Variants in MEIS2 observed in about 807,000 individuals in gnomAD.
The protein encoded by MEIS2 is Meis homeobox 2.
A neutral mutation model predicts 58.6 loss-of-function variants in MEIS2; 9 were observed. The observed-to-expected ratio is 0.15, with a 90% CI of 0.09 to 0.27. MEIS2 has a LOEUF of 0.27. Among genes scored for constraint, MEIS2 ranks in the 10% least tolerant of loss-of-function variants. The pLI, the probability that MEIS2 is intolerant of heterozygous loss-of-function variation, is 1.00. For missense variants in MEIS2, 427 were observed against 635.0 expected (o/e 0.67, Z 3.52); for synonymous variants, 221 against 228.4 (o/e 0.97, Z 0.29).
intron 7 of MEIS2, among the ~76,000 whole-genome samples, chr15:37,053,252 A>G (rs1194491848): frequency 6.6e-6 from 1 of 152,188 alleles, no homozygotes; most frequent in African/African-American, 2.4e-5. Context: ...AAATTTCCGG[A>G]TCTTGATCAC....
At chr15:36,900,405 C>T (rs2056407555) in intron 9 of MEIS2, among the ~76,000 whole-genome samples, 2 of 152,148 alleles carry the variant, frequency 1.3e-5, no homozygotes, top group African/African-American at 4.8e-5. Context: ...CAGGCCCATA[C>T]AAAAGCTTGG....
intron 8 of MEIS2, among the ~76,000 whole-genome samples, chr15:36,954,750 G>T (rs2058894406): frequency 6.6e-6 from 1 of 152,136 alleles, no homozygotes; most frequent in African/African-American, 2.4e-5. Flanking sequence ...CTGTGATAGT[G>T]TAATACAATC....
intron 7 of MEIS2, among the ~76,000 whole-genome samples, chr15:37,069,475 C>G (rs1285387069): frequency 6.6e-6 from 1 of 152,164 alleles, no homozygotes; most frequent in Non-Finnish European, 1.5e-5. Context: ...CTTAACTGTA[C>G]CACAAGCCTC....
At chr15:36,993,235 C>A (rs893867703) in intron 8 of MEIS2, among the ~76,000 whole-genome samples, 1 of 152,104 alleles carries the variant, frequency 6.6e-6, no homozygotes, top group Non-Finnish European at 1.5e-5. Context: ...ATTCTAGAAT[C>A]TTTTTCTATT....
intron 9 of MEIS2, among the ~76,000 whole-genome samples, chr15:36,903,487 C>T (rs1217837737): frequency 6.6e-6 from 1 of 152,210 alleles, no homozygotes; most frequent in Non-Finnish European, 1.5e-5. Context: ...ACTTTTACTA[C>T]TGACATTAAA....
intron 2 of MEIS2, 78 bp from the exon 3 acceptor site, chr15:37,096,508 A>C: frequency 6.5e-7 from 1 of 1,541,026 alleles, no homozygotes; most frequent in Non-Finnish European, 8.8e-7. Flanking sequence ...GTAATCAACA[A>C]GTTTGGAGGG....
chr15:37,038,400 T>G (rs2062251851), intron 7 of MEIS2, among the ~76,000 whole-genome samples: 1 of 152,196 alleles, frequency 6.6e-6, no homozygotes, highest in African/African-American at 2.4e-5. Flanking sequence ...TTTTCCTTTC[T>G]TGCCAAAAAA....
At chr15:37,019,658 G>C (rs1382892845) in intron 8 of MEIS2, among the ~76,000 whole-genome samples, 1 of 152,186 alleles carries the variant, frequency 6.6e-6, no homozygotes, top group Admixed American at 6.5e-5. Context: ...GGCCCGTAGA[G>C]GGTAGGGAGA....
At chr15:37,068,624 A>G (rs887436732) in intron 7 of MEIS2, among the ~76,000 whole-genome samples, 3 of 152,214 alleles carry the variant, frequency 2.0e-5, no homozygotes, top group African/African-American at 7.2e-5. Context: ...GCCCTCCATA[A>G]TCAAGATTGA....
At chr15:36,907,498 G>A (rs2056798788) in intron 9 of MEIS2, among the ~76,000 whole-genome samples, 1 of 152,188 alleles carries the variant, frequency 6.6e-6, no homozygotes, top group South Asian at 2.1e-4. Flanking sequence ...AGCAGCAGGG[G>A]ATACTTCAGA....
intron 8 of MEIS2, among the ~76,000 whole-genome samples, chr15:36,970,632 T>C (rs1396859724): frequency 6.6e-6 from 1 of 152,168 alleles, no homozygotes; most frequent in African/African-American, 2.4e-5. Context: ...GTGATTCCCC[T>C]CCCAGACAAG....
chr15:37,057,260 G>A (rs1294793746), intron 7 of MEIS2, among the ~76,000 whole-genome samples: 4 of 152,212 alleles, frequency 2.6e-5, no homozygotes, highest in African/African-American at 4.8e-5. Context: ...AGAATCTCTC[G>A]TGGCGTCCTT....
chr15:37,068,187 A>AT (rs1890214098), intron 7 of MEIS2, among the ~76,000 whole-genome samples: 2 of 152,164 alleles, frequency 1.3e-5, no homozygotes, highest in South Asian at 4.1e-4. Flanking sequence ...CTAACTTCAA[A>AT]TTTCATGCTC....
chr15:36,923,345 T>G (rs1206716965), intron 9 of MEIS2, among the ~76,000 whole-genome samples: 1 of 152,180 alleles, frequency 6.6e-6, no homozygotes. Flanking sequence ...TTTTTTCTTT[T>G]TACTTTTTGT....
In MEIS2 at chr15:37,074,870, A is replaced by T. The variant is rs147161141; in HGVS notation, c.754+8901T>A. Among the ~76,000 whole-genome samples, 23 of 152,144 alleles carry T rather than the reference A, an allele frequency of 1.5e-4. No homozygotes were observed. In the East Asian group the frequency reaches 4.4e-3, roughly 29 times the overall value. ...CATAGGTCTCGACTCATAGTTCAAG[A>T]TTCTAGACAGTAACCCATGTAGATG... On this transcript the variant is annotated intron_variant, in intron 7 of 11. Transcript: ENST00000561208.
At chr15:37,043,704 A>C (rs1178088252) in intron 7 of MEIS2, among the ~76,000 whole-genome samples, 1 of 66,568 alleles carries the variant, frequency 1.5e-5, no homozygotes, top group Admixed American at 2.1e-4. Context: ...TTTTTTTTTG[A>C]GATGGAGTCC....
intron 7 of MEIS2, among the ~76,000 whole-genome samples, chr15:37,073,965 T>C (rs1277418538): frequency 6.6e-6 from 1 of 152,082 alleles, no homozygotes. Flanking sequence ...TAAATAATTA[T>C]AATTTGGCTA....
chr15:37,088,600 C>G (rs894965180), intron 6 of MEIS2, among the ~76,000 whole-genome samples: 2 of 152,050 alleles, frequency 1.3e-5, no homozygotes, highest in African/African-American at 4.8e-5. Flanking sequence ...GTCAGGAGAC[C>G]TATGTGTGCT....
Position 37,083,816 on chromosome 15 carries a change from T to C in MEIS2, c.709A>G (p.Ser237Gly). The change falls in exon 7 of 12, where the codon AGT becomes GGT. Residue 237 changes from serine (S) to glycine (G), a missense_variant. Transcript: ENST00000561208. ...THSAGTPGPS[S>G]GGHASQSGDN... ...CCGCTCTGGGAAGCATGGCCCCCACTGGAGGGCCCTGGGGTGCCTGCTGAG... is the reference window on the plus strand; with the variant it reads ...CCGCTCTGGGAAGCATGGCCCCCACCGGAGGGCCCTGGGGTGCCTGCTGAG... 6.2e-7 allele frequency: 1 copy of C among 1,614,060 alleles called. No homozygotes were observed. The highest frequency in any genetic ancestry group is 8.5e-7 in the Non-Finnish European group (1 of 1,179,950).
Sources: gnomAD v4.1 joint callset for allele counts (sites outside exome capture counted in the v4.1 genomes callset) on GRCh38, gnomAD v4.1.1 for gene constraint, MANE v1.5 for transcripts, NCBI Gene and HGNC (gene_info 2026-07-23, HGNC 2026-07-21) for gene names.